MACROD2: variants seen among roughly 807,000 people sequenced by gnomAD.
MACROD2 encodes the protein ADP-ribose glycohydrolase MACROD2.
A neutral mutation model predicts 70.4 loss-of-function variants in MACROD2; 36 were observed. The ratio of observed to expected loss-of-function variants is 0.51; its 90% CI spans 0.39 to 0.68. The LOEUF (loss-of-function observed/expected upper bound fraction) is 0.68, where lower values mean the gene tolerates loss of function less well. MACROD2 is among the 30% of genes least tolerant of loss of function. MACROD2 has a pLI of 0.00. For missense variants in MACROD2, 496 were observed against 538.4 expected (o/e 0.92, Z 0.78); for synonymous variants, 172 against 178.8 (o/e 0.96, Z 0.30).
intron 4 of MACROD2, among the ~76,000 whole-genome samples, chr20:14,637,139 G>T (rs1164358229): frequency 6.6e-6 from 1 of 152,156 alleles, no homozygotes; most frequent in African/African-American, 2.4e-5. Context: ...AGAACAGGTG[G>T]GGGAAGAATA....
intron 11 of MACROD2, among the ~76,000 whole-genome samples, chr20:15,936,053 T>C (rs925244638): frequency 6.6e-6 from 1 of 152,064 alleles, no homozygotes; most frequent in Non-Finnish European, 1.5e-5. Flanking sequence ...AAATAAGTGA[T>C]TTGTGATTTG....
intron 3 of MACROD2, among the ~76,000 whole-genome samples, chr20:14,260,518 G>C (rs2082092897): frequency 6.6e-6 from 1 of 152,040 alleles, no homozygotes; most frequent in Non-Finnish European, 1.5e-5. Flanking sequence ...GCTCATTTCA[G>C]TTACGGACTC....
rs368952553 is a variant in MACROD2, at chr20:15,862,432, G to A, written c.646-313G>A. 3.3e-5 allele frequency among the ~76,000 whole-genome samples: 5 copies of A among 152,012 alleles called. No homozygotes were observed. The East Asian group carries it at 9.6e-4, about 29-fold the overall frequency. On this transcript the variant is annotated intron_variant, in intron 8 of 17. Transcript: ENST00000684519. ...GGACATAAAGTCTAGCTATCCTGTC[G>A]GAATCTCAGATCTTATTTATAGCTT...
intron 6 of MACROD2, among the ~76,000 whole-genome samples, chr20:15,327,913 A>C (rs2077949192): frequency 6.6e-6 from 1 of 152,168 alleles, no homozygotes; most frequent in South Asian, 2.1e-4. Context: ...GGTACTTGAC[A>C]CATATCAGTT....
chr20:15,258,751 T>C (rs1309329945), intron 6 of MACROD2, among the ~76,000 whole-genome samples: 2 of 152,180 alleles, frequency 1.3e-5, no homozygotes, highest in Middle Eastern at 3.4e-3. Flanking sequence ...AAACTAGGAC[T>C]TTCACACAAA....
At chr20:14,374,349 A>G (rs1264439625) in intron 3 of MACROD2, among the ~76,000 whole-genome samples, 7 of 152,298 alleles carry the variant, frequency 4.6e-5, no homozygotes, top group South Asian at 4.1e-4. Flanking sequence ...TAGCTTAACA[A>G]TGTGACCCAA....
At chr20:14,360,463 C>G (rs945458621) in intron 3 of MACROD2, among the ~76,000 whole-genome samples, 2 of 152,126 alleles carry the variant, frequency 1.3e-5, no homozygotes, top group African/African-American at 4.8e-5. Flanking sequence ...CAAATTGATA[C>G]ATTTCAGGTT....
intron 8 of MACROD2, among the ~76,000 whole-genome samples, chr20:15,503,071 A>G (rs969189164): frequency 6.6e-6 from 1 of 152,244 alleles, no homozygotes; most frequent in Non-Finnish European, 1.5e-5. Flanking sequence ...TATGTTCAGA[A>G]TAGAGCAAAC....
intron 5 of MACROD2, among the ~76,000 whole-genome samples, chr20:14,910,436 A>G (rs868358803): frequency 3.3e-5 from 5 of 152,194 alleles, no homozygotes; most frequent in Admixed American, 3.3e-4. Context: ...TACTGAAACA[A>G]TTTTCTCCCA....
At chr20:15,099,719 A>G (rs532383467) in intron 5 of MACROD2, among the ~76,000 whole-genome samples, 54 of 152,318 alleles carry the variant, frequency 3.5e-4, no homozygotes, top group Middle Eastern at 3.4e-3. Context: ...GATCCATTCT[A>G]GAAAAAGCTG....
intron 5 of MACROD2, among the ~76,000 whole-genome samples, chr20:14,791,738 CTG>C (rs2072453627): frequency 6.6e-6 from 1 of 151,800 alleles, no homozygotes; most frequent in African/African-American, 2.4e-5. Context: ...GTATATGTAA[CTG>C]TAAATCAAAA....
intron 8 of MACROD2, among the ~76,000 whole-genome samples, chr20:15,585,202 CT>C (rs397865605): frequency 1.8e-3 from 248 of 139,390 alleles, no homozygotes; most frequent in Middle Eastern, 3.6e-3. Flanking sequence ...TCTTTTTTTT[CT>C]TTTTTTTTTT....
Position 15,202,338 on chromosome 20 carries a change from T to A in MACROD2, c.419-27602T>A, listed in dbSNP as rs1053924635. Among the ~76,000 whole-genome samples, 39 of 152,134 alleles carry A rather than the reference T, an allele frequency of 2.6e-4. 3 individuals are homozygous for A. The highest frequency in any genetic ancestry group is 2.0e-3 in the Admixed American group (31 of 15,260). On this transcript the variant is annotated intron_variant, in intron 5 of 17. Coordinates refer to ENST00000684519, the MANE Select transcript of MACROD2 (RefSeq NM_001351661.2). ...ACTATGTCATTCAATATCCCTTATA[T>A]GAGAGTTCAATGAGGTAGACGTCCT... is the stretch of plus-strand genomic sequence containing the variant.
intron 3 of MACROD2, among the ~76,000 whole-genome samples, chr20:14,377,620 C>T (rs750328240): frequency 2.6e-5 from 4 of 152,184 alleles, no homozygotes. Flanking sequence ...TATTTCTTCA[C>T]GTGCAGATCT....
At chr20:15,017,272 G>A (rs1242334960) in intron 5 of MACROD2, among the ~76,000 whole-genome samples, 1 of 152,150 alleles carries the variant, frequency 6.6e-6, no homozygotes, top group East Asian at 1.9e-4. Context: ...ATGCAAGTCT[G>A]AAATCCAGCG....
intron 3 of MACROD2, among the ~76,000 whole-genome samples, chr20:14,119,656 C>A (rs528964600): frequency 1.3e-5 from 2 of 152,284 alleles, no homozygotes; most frequent in Admixed American, 1.3e-4. Context: ...CAGGCCTCGC[C>A]ATTTTTTGCC....
At chr20:14,272,634 AC>A in intron 3 of MACROD2, among the ~76,000 whole-genome samples, 1 of 151,788 alleles carries the variant, frequency 6.6e-6, no homozygotes, top group East Asian at 1.9e-4. Flanking sequence ...GATCAAATTC[AC>A]ACATAACAAT....
chr20:15,642,736 A>T (rs1288005989), intron 8 of MACROD2, among the ~76,000 whole-genome samples: 1 of 151,974 alleles, frequency 6.6e-6, no homozygotes, highest in Admixed American at 6.6e-5. Flanking sequence ...TGCTGAGGAG[A>T]ATCTCTATCC....
At chr20:14,770,266 T>TA (rs1271107207) in intron 5 of MACROD2, among the ~76,000 whole-genome samples, 1 of 151,942 alleles carries the variant, frequency 6.6e-6, no homozygotes, top group Non-Finnish European at 1.5e-5. Context: ...ATATGTTACT[T>TA]ACTGCATAAA....
Sources: gnomAD v4.1 joint callset for allele counts (sites outside exome capture counted in the v4.1 genomes callset) on GRCh38, gnomAD v4.1.1 for gene constraint, MANE v1.5 for transcripts, NCBI Gene and HGNC (gene_info 2026-07-23, HGNC 2026-07-21) for gene names.